Variants in CHRM3 observed in about 807,000 individuals in gnomAD.
CHRM3 encodes the protein cholinergic receptor muscarinic 3, also known as muscarinic acetylcholine receptor M3.
CHRM3 carries 11 observed loss-of-function variants against 41.8 expected under a neutral mutation model. The observed-to-expected ratio is 0.26, with a 90% CI of 0.17 to 0.44. The LOEUF is 0.44. Ranked by LOEUF, CHRM3 falls within the 20% of genes least tolerant of loss-of-function variation. The pLI, the probability that CHRM3 is intolerant of heterozygous loss-of-function variation, is 1.00. For synonymous variants in CHRM3, 297 were observed against 301.4 expected, an observed-to-expected ratio of 0.99 and a Z score of 0.15; for missense variants, 571 against 745.4, an observed-to-expected ratio of 0.77 and a Z score of 2.72.
intron 1 of CHRM3, among the ~76,000 whole-genome samples, chr1:239,442,978 A>T (rs1348686417): frequency 6.6e-6 from 1 of 152,212 alleles, no homozygotes; most frequent in Non-Finnish European, 1.5e-5. Context: ...ACTGACAAAT[A>T]AGGATAAAAT....
intron 3 of CHRM3, among the ~76,000 whole-genome samples, chr1:239,600,832 C>T (rs1665439365): frequency 6.6e-6 from 1 of 150,420 alleles, no homozygotes; most frequent in African/African-American, 2.4e-5. Flanking sequence ...TCTTTACTTT[C>T]ACATTGCATG....
At chr1:239,810,279 C>T (rs139282404) in intron 5 of CHRM3, among the ~76,000 whole-genome samples, 1 of 152,134 alleles carries the variant, frequency 6.6e-6, no homozygotes, top group African/African-American at 2.4e-5. Context: ...TCAAGGAATG[C>T]GGGGGGACTT....
At chr1:239,895,641 T>TA (rs981801442) in intron 6 of CHRM3, among the ~76,000 whole-genome samples, 4 of 152,124 alleles carry the variant, frequency 2.6e-5, no homozygotes, top group African/African-American at 9.7e-5. Flanking sequence ...TATGCAGCCA[T>TA]AAAAAATGAG....
At chr1:239,796,835 C>T (rs567203170) in intron 5 of CHRM3, among the ~76,000 whole-genome samples, 4 of 152,080 alleles carry the variant, frequency 2.6e-5, no homozygotes, top group African/African-American at 9.7e-5. Flanking sequence ...CTTTTCATTC[C>T]TCACCCCCCT....
chr1:239,832,214 G>A (rs906013071), intron 6 of CHRM3, among the ~76,000 whole-genome samples: 4 of 152,018 alleles, frequency 2.6e-5, no homozygotes, highest in East Asian at 1.9e-4. Flanking sequence ...TCATGGGTTC[G>A]TGGCCAGCCA....
chr1:239,528,332 T>C (rs1670141697), intron 2 of CHRM3, among the ~76,000 whole-genome samples: 1 of 152,168 alleles, frequency 6.6e-6, no homozygotes. Context: ...ACTTGGCAAA[T>C]CTTGCTGACA....
chr1:239,585,359 G>A (rs530452822), intron 3 of CHRM3, among the ~76,000 whole-genome samples: 3 of 152,200 alleles, frequency 2.0e-5, no homozygotes, highest in African/African-American at 7.2e-5. Context: ...ATATGTTTAA[G>A]CTGAGGTTGG....
At chr1:239,489,176 G>A (rs895022650) in intron 1 of CHRM3, among the ~76,000 whole-genome samples, 1 of 152,188 alleles carries the variant, frequency 6.6e-6, no homozygotes, top group Admixed American at 6.5e-5. Context: ...CAGTTTGGGA[G>A]GCCAAGGCAG....
At chr1:239,434,237 C>G (rs1663055608) in intron 1 of CHRM3, among the ~76,000 whole-genome samples, 1 of 152,208 alleles carries the variant, frequency 6.6e-6, no homozygotes, top group African/African-American at 2.4e-5. Context: ...AACTTCTGTA[C>G]TCTTGTTTCT....
chr1:239,665,235 G>T (rs777129070), intron 4 of CHRM3, among the ~76,000 whole-genome samples: 1 of 148,726 alleles, frequency 6.7e-6, no homozygotes, highest in East Asian at 2.0e-4. Flanking sequence ...TCAAAAAGAC[G>T]TTGAGCGCCT....
chr1:239,494,785 G>T (rs1160535497), intron 2 of CHRM3, among the ~76,000 whole-genome samples: 1 of 152,100 alleles, frequency 6.6e-6, no homozygotes, highest in African/African-American at 2.4e-5. Context: ...ACTTACAAGT[G>T]AGAACGTGTA....
At chr1:239,505,895 T>C (rs911738234) in intron 2 of CHRM3, among the ~76,000 whole-genome samples, 5 of 152,184 alleles carry the variant, frequency 3.3e-5, no homozygotes, top group African/African-American at 9.7e-5. Flanking sequence ...GAGGAACTTC[T>C]TAGCAACTAG....
chr1:239,813,635 T>C (rs1180700296), intron 5 of CHRM3, among the ~76,000 whole-genome samples: 1 of 151,902 alleles, frequency 6.6e-6, no homozygotes, highest in East Asian at 1.9e-4. Flanking sequence ...AACTCACAGT[T>C]GGCCGGGCGC....
intron 5 of CHRM3, among the ~76,000 whole-genome samples, chr1:239,725,634 C>T (rs1258928981): frequency 2.0e-5 from 3 of 151,838 alleles, no homozygotes; most frequent in African/African-American, 7.3e-5. Context: ...TCTGTAAATG[C>T]GTGTTGATTG....
intron 1 of CHRM3, among the ~76,000 whole-genome samples, chr1:239,463,775 C>G (rs1314976732): frequency 6.6e-6 from 1 of 152,084 alleles, no homozygotes; most frequent in Non-Finnish European, 1.5e-5. Flanking sequence ...TGTGATATGG[C>G]AGATGTCTGC....
chr1:239,817,908 C>T (rs963094145), intron 5 of CHRM3, among the ~76,000 whole-genome samples: 1 of 152,160 alleles, frequency 6.6e-6, no homozygotes, highest in Non-Finnish European at 1.5e-5. Context: ...CTTTCCTGAG[C>T]CTGTTTCTAC....
At chr1:239,734,843 A>C (rs1664268521) in intron 5 of CHRM3, among the ~76,000 whole-genome samples, 1 of 152,154 alleles carries the variant, frequency 6.6e-6, no homozygotes, top group African/African-American at 2.4e-5. Flanking sequence ...AACTTAGATG[A>C]AATAAGATTG....
chr1:239,700,420 T>G (rs1403209577), intron 5 of CHRM3, among the ~76,000 whole-genome samples: 2 of 152,126 alleles, frequency 1.3e-5, no homozygotes, highest in African/African-American at 2.4e-5. Context: ...CATTGGAAAA[T>G]TGCCCTAAAA....
At chr1:239,795,101 C>T (rs1291099257) in intron 5 of CHRM3, among the ~76,000 whole-genome samples, 1 of 152,032 alleles carries the variant, frequency 6.6e-6, no homozygotes, top group Non-Finnish European at 1.5e-5. Flanking sequence ...AAATATTTTA[C>T]TTTTTATGTG....
Sources: gnomAD v4.1 joint callset for allele counts (sites outside exome capture counted in the v4.1 genomes callset) on GRCh38, gnomAD v4.1.1 for gene constraint, MANE v1.5 for transcripts, NCBI Gene and HGNC (gene_info 2026-07-23, HGNC 2026-07-21) for gene names.